CTNNA2: variants seen among roughly 807,000 people sequenced by gnomAD.
CTNNA2 encodes catenin alpha 2, also known as catenin alpha-2.
A neutral mutation model predicts 101.0 loss-of-function variants in CTNNA2; 42 were observed. The observed-to-expected ratio is 0.42, with a 90% CI of 0.32 to 0.54. The LOEUF is 0.54. Among genes scored for constraint, CTNNA2 ranks in the 20% least tolerant of loss-of-function variants. CTNNA2 has a pLI of 0.14. For synonymous variants in CTNNA2, 450 were observed against 456.4 expected (o/e 0.99, Z 0.18); for missense variants, 871 against 1,223.1 (o/e 0.71, Z 4.29).
chr2:79,466,950 A>T (rs1670943696), intron 4 of CTNNA2, among the ~76,000 whole-genome samples: 1 of 152,208 alleles, frequency 6.6e-6, no homozygotes, highest in Non-Finnish European at 1.5e-5. Flanking sequence ...AACATCTGAA[A>T]ATTCTAAAAA....
rs1256046989 is a variant in CTNNA2, at chr2:80,537,260, C to CT, written c.1291-7716dup. 2.0e-5 allele frequency among the ~76,000 whole-genome samples: 3 copies of CT among 152,218 alleles called. No homozygotes were observed. In the East Asian group the frequency reaches 5.8e-4, roughly 29 times the overall value. ...TCCCTGAAAAGAACATGAACCCATT[C>CT]TTTTTTATGGCTGCATAGTATTCTG... On this transcript the variant is annotated intron_variant, in intron 9 of 18. Transcript: ENST00000402739.
chr2:79,716,995 G>A (rs983606104), intron 2 of CTNNA2, among the ~76,000 whole-genome samples: 1 of 149,144 alleles, frequency 6.7e-6, no homozygotes. Context: ...AGTCATAGGG[G>A]ACATCTAAGA....
intron 7 of CTNNA2, among the ~76,000 whole-genome samples, chr2:80,103,344 G>C (rs982528962): frequency 1.3e-5 from 2 of 152,094 alleles, no homozygotes; most frequent in African/African-American, 4.8e-5. Flanking sequence ...CACAGAAATA[G>C]AATTCTGGTG....
chr2:79,502,893 G>C (rs1186612803), intron 4 of CTNNA2, among the ~76,000 whole-genome samples: 1 of 152,154 alleles, frequency 6.6e-6, no homozygotes, highest in Non-Finnish European at 1.5e-5. Flanking sequence ...AGACTCTTTA[G>C]GGCTTGATCA....
intron 2 of CTNNA2, among the ~76,000 whole-genome samples, chr2:79,304,069 A>T (rs1436060041): frequency 1.3e-5 from 2 of 152,050 alleles, no homozygotes; most frequent in African/African-American, 4.8e-5. Context: ...TGTGGGGGCC[A>T]GTGGGGCAGG....
intron 3 of CTNNA2, among the ~76,000 whole-genome samples, chr2:79,364,551 A>C (rs528380561): frequency 1.3e-5 from 2 of 152,234 alleles, no homozygotes; most frequent in East Asian, 3.9e-4. Context: ...AGAATAATAC[A>C]TTAAACAAAA....
chr2:79,660,865 G>T (rs1281915259), intron 2 of CTNNA2, among the ~76,000 whole-genome samples: 1 of 152,164 alleles, frequency 6.6e-6, no homozygotes, highest in East Asian at 1.9e-4. Context: ...AAATTCCAAA[G>T]TGGGCTTAAA....
intron 6 of CTNNA2, among the ~76,000 whole-genome samples, chr2:79,879,804 C>T (rs191677241): frequency 1.3e-5 from 2 of 152,178 alleles, no homozygotes; most frequent in East Asian, 3.9e-4. Context: ...TTTGAATATG[C>T]TTTATTTCTT....
intron 7 of CTNNA2, among the ~76,000 whole-genome samples, chr2:80,087,045 T>C (rs1198779145): frequency 6.6e-6 from 1 of 152,028 alleles, no homozygotes; most frequent in African/African-American, 2.4e-5. Flanking sequence ...AATCCTATTA[T>C]AAGACAGACC....
chr2:79,210,385 G>A (rs1674156324), intron 2 of CTNNA2, among the ~76,000 whole-genome samples: 1 of 152,112 alleles, frequency 6.6e-6, no homozygotes, highest in African/African-American at 2.4e-5. Flanking sequence ...TAAATGTACA[G>A]AGGAAATAGA....
At chr2:79,902,318 T>C (rs1015558441) in intron 6 of CTNNA2, among the ~76,000 whole-genome samples, 1 of 152,144 alleles carries the variant, frequency 6.6e-6, no homozygotes, top group Non-Finnish European at 1.5e-5. Flanking sequence ...TGCCCTGAGG[T>C]CATGCCTGCA....
intron 8 of CTNNA2, among the ~76,000 whole-genome samples, chr2:80,394,940 T>C (rs1221386383): frequency 2.6e-5 from 4 of 151,604 alleles, no homozygotes; most frequent in Non-Finnish European, 5.9e-5. Flanking sequence ...GGTCTTCCCA[T>C]CTTCCTGATC....
chr2:80,475,729 T>C (rs1010992426), intron 9 of CTNNA2, among the ~76,000 whole-genome samples: 24 of 152,204 alleles, frequency 1.6e-4, no homozygotes, highest in African/African-American at 5.8e-4. Flanking sequence ...AACAGTCAAA[T>C]CTTCCTAGAG....
chr2:80,058,370 C>T (rs1195953477), intron 7 of CTNNA2, among the ~76,000 whole-genome samples: 1 of 152,198 alleles, frequency 6.6e-6, no homozygotes, highest in Non-Finnish European at 1.5e-5. Context: ...AAAGTTCTGT[C>T]AACTGATCAC....
chr2:79,519,381 C>T (rs979397242), intron 1 of CTNNA2, among the ~76,000 whole-genome samples: 5 of 152,002 alleles, frequency 3.3e-5, no homozygotes, highest in African/African-American at 1.2e-4. Context: ...CTGCTCTGTG[C>T]TCAATGCTCT....
intron 18 of CTNNA2, 146 bp from the exon 19 acceptor site, chr2:80,647,439 C>A: frequency 1.5e-6 from 1 of 674,836 alleles, no homozygotes. Context: ...ATTTTAAAAA[C>A]CTTAACTTGT....
intron 1 of CTNNA2, among the ~76,000 whole-genome samples, chr2:79,605,437 AAAG>A (rs1455327281): frequency 4.9e-4 from 74 of 152,034 alleles, no homozygotes; most frequent in African/African-American, 1.8e-3. Flanking sequence ...ACCGGAGATC[AAAG>A]AAGTGAAACA....
chr2:79,920,772 T>C (rs1415583884), intron 7 of CTNNA2, among the ~76,000 whole-genome samples: 1 of 152,178 alleles, frequency 6.6e-6, no homozygotes, highest in Non-Finnish European at 1.5e-5. Flanking sequence ...CATCAATTCT[T>C]TCAAGAAATG....
At position 79,527,667 on chromosome 2, in the gene CTNNA2, T is replaced by C. The variant is rs117666469; in HGVS notation, c.-6+14460T>C. 0.011 allele frequency among the ~76,000 whole-genome samples: 1,664 copies of C among 149,050 alleles called. 87 individuals carry two copies. In the East Asian group the frequency reaches 0.15, roughly 13 times the overall value. ...AACGTTGGTGAGAAATATGGGGAAA[T>C]TGGAATCCTTATACATGAAGGTAGA... On this transcript the variant is annotated intron_variant, in intron 1 of 18. Coordinates refer to ENST00000402739, the MANE Select transcript of CTNNA2 (RefSeq NM_001282597.3).
Sources: gnomAD v4.1 joint callset for allele counts (sites outside exome capture counted in the v4.1 genomes callset) on GRCh38, gnomAD v4.1.1 for gene constraint, MANE v1.5 for transcripts, NCBI Gene and HGNC (gene_info 2026-07-23, HGNC 2026-07-21) for gene names.